The following HECW1 variants were observed in gnomAD, a reference collection of about 807,000 sequenced individuals.
HECW1 encodes E3 ubiquitin-protein ligase HECW1.
Under a neutral mutation model 182.3 loss-of-function variants are expected in HECW1, and 61 were observed. The observed-to-expected ratio is 0.33, with a 90% CI of 0.27 to 0.41. The LOEUF (loss-of-function observed/expected upper bound fraction) is 0.41. HECW1 is among the 10% of genes least tolerant of loss of function. HECW1 has a pLI of 1.00. For missense variants in HECW1, 1,739 were observed against 2,108.9 expected (o/e 0.82, Z 3.44); for synonymous variants, 859 against 832.6 (o/e 1.03, Z -0.55).
At chr7:43,430,633 T>C (rs955057902) in intron 8 of HECW1, among the ~76,000 whole-genome samples, 1 of 152,152 alleles carries the variant, frequency 6.6e-6, no homozygotes, top group African/African-American at 2.4e-5. Flanking sequence ...TGCTGAGTCA[T>C]GTGGACAAGG....
intron 2 of HECW1, among the ~76,000 whole-genome samples, chr7:43,129,214 CT>C (rs1485411285): frequency 6.6e-6 from 1 of 152,156 alleles, no homozygotes; most frequent in Admixed American, 6.5e-5. Flanking sequence ...ACAGAGAAAT[CT>C]TTTGTGAAAG....
intron 3 of HECW1, chr7:43,274,241 C>T (rs1031004738): frequency 4.0e-4 from 279 of 692,058 alleles, no homozygotes; most frequent in Non-Finnish European, 6.3e-4. Context: ...TGCCCCTCTA[C>T]TGCATGCGAA....
At chr7:43,491,364 A>G (rs758044288) in intron 17 of HECW1, among the ~76,000 whole-genome samples, 1 of 152,222 alleles carries the variant, frequency 6.6e-6, no homozygotes, top group Non-Finnish European at 1.5e-5. Context: ...TGTGAACAGA[A>G]GCCAGCACAG....
intron 5 of HECW1, among the ~76,000 whole-genome samples, chr7:43,344,503 T>A (rs1452568657): frequency 6.6e-6 from 1 of 152,038 alleles, no homozygotes; most frequent in African/African-American, 2.4e-5. Flanking sequence ...TGGATGATGA[T>A]GTTGTTTTTG....
At chr7:43,367,257 G>A (rs950977766) in intron 6 of HECW1, among the ~76,000 whole-genome samples, 4 of 152,104 alleles carry the variant, frequency 2.6e-5, no homozygotes, top group Non-Finnish European at 5.9e-5. Context: ...TTGTTTTCCT[G>A]TTGCCTTACT....
intron 29 of HECW1, among the ~76,000 whole-genome samples, chr7:43,556,755 G>A (rs1256164648): frequency 6.6e-6 from 1 of 151,836 alleles, no homozygotes; most frequent in Admixed American, 6.6e-5. Flanking sequence ...TATTCTTTAG[G>A]AAATGAGAGT....
chr7:43,516,843 CACA>C (rs1174548933), intron 24 of HECW1, among the ~76,000 whole-genome samples: 2 of 152,112 alleles, frequency 1.3e-5, no homozygotes, highest in East Asian at 3.8e-4. Context: ...AACAAACCTG[CACA>C]ACATGTTACT....
chr7:43,147,122 C>T (rs149434393), intron 2 of HECW1, among the ~76,000 whole-genome samples: 1 of 152,296 alleles, frequency 6.6e-6, no homozygotes, highest in African/African-American at 2.4e-5. Context: ...CCAAGGAAAC[C>T]TTTACTAGGC....
chr7:43,198,471 G>A (rs1400177338), intron 2 of HECW1, among the ~76,000 whole-genome samples: 1 of 140,212 alleles, frequency 7.1e-6, no homozygotes, highest in East Asian at 2.2e-4. Context: ...ACCCACCATA[G>A]TCACACCCCA....
chr7:43,493,312 T>A (rs2079002332), intron 19 of HECW1, 132 bp downstream of exon 19: 1 of 587,956 alleles, frequency 1.7e-6, no homozygotes, highest in Admixed American at 3.4e-5. Flanking sequence ...AGAACTTGAA[T>A]CCTCAAGATG....
chr7:43,530,504 T>C (rs952704219), intron 24 of HECW1, among the ~76,000 whole-genome samples: 4 of 150,404 alleles, frequency 2.7e-5, no homozygotes, highest in Non-Finnish European at 5.9e-5. Flanking sequence ...CCATATCTTT[T>C]ATGGATGGAT....
chr7:43,194,175 T>G (rs1794205507), intron 2 of HECW1, among the ~76,000 whole-genome samples: 1 of 152,050 alleles, frequency 6.6e-6, no homozygotes, highest in Non-Finnish European at 1.5e-5. Flanking sequence ...TTTTTCAGGT[T>G]TCTTTGGGTC....
intron 2 of HECW1, among the ~76,000 whole-genome samples, chr7:43,213,646 C>T (rs1184279489): frequency 1.3e-5 from 2 of 151,880 alleles, no homozygotes; most frequent in African/African-American, 2.4e-5. Context: ...GGGGTTTCAC[C>T]GTGTTAGCCA....
intron 6 of HECW1, among the ~76,000 whole-genome samples, chr7:43,363,770 G>T (rs17172204): frequency 1.3e-5 from 2 of 152,108 alleles, no homozygotes; most frequent in Non-Finnish European, 2.9e-5. Flanking sequence ...TGTTTATCAC[G>T]CATTATTCTA....
At chr7:43,478,150 C>T (rs1398959112) in intron 16 of HECW1, among the ~76,000 whole-genome samples, 5 of 152,178 alleles carry the variant, frequency 3.3e-5, no homozygotes, top group African/African-American at 1.2e-4. Flanking sequence ...GGCTTGGTGG[C>T]TCACGCCTGT....
Position 43,411,875 on chromosome 7 carries a change from G to A in HECW1, c.801+4144G>A, listed in dbSNP as rs143814578. Among the ~76,000 whole-genome samples the A allele has an allele frequency of 3.6e-3, 544 of 151,986 alleles. 2 individuals carry two copies. Among genetic ancestry groups the A allele is most frequent in the African/African-American group, 0.013 (520 of 41,440 alleles). ...ATTGCCTATGGACAGCATATTCTTC[G>A]GACTTAATTTCATTTATTACAATAA... On this transcript the variant is annotated intron_variant, in intron 8 of 29. Transcript: ENST00000395891.
intron 21 of HECW1, among the ~76,000 whole-genome samples, chr7:43,505,882 G>C (rs892406396): frequency 1.1e-4 from 16 of 152,182 alleles, no homozygotes; most frequent in African/African-American, 3.9e-4. Context: ...ATTTCTGAGA[G>C]TTTACCAGCA....
chr7:43,195,342 T>C (rs558518618), intron 2 of HECW1, among the ~76,000 whole-genome samples: 1 of 152,306 alleles, frequency 6.6e-6, no homozygotes, highest in East Asian at 1.9e-4. Flanking sequence ...CTTGTCAGGC[T>C]TCCTAAAGGA....
rs546244759 is a variant in HECW1 at position 43,564,114 on chromosome 7, G to A, written c.*2188G>A. On this transcript the variant is annotated 3_prime_UTR_variant, in exon 30 of 30. Transcript: ENST00000395891. Reference sequence around the variant, plus strand: ...CTGAAAAATAATGGATTCCAATGGAGCTATTGTTTTATTTATGAAATCAGA... The same window carrying A: ...CTGAAAAATAATGGATTCCAATGGAACTATTGTTTTATTTATGAAATCAGA... 61 of 190,430 alleles carry A rather than the reference G, an allele frequency of 3.2e-4. No homozygotes were observed. The East Asian group carries it at 4.6e-3, about 14-fold the overall frequency. The allele number at this position is 190,430 out of a possible 1,614,324, so 11.8% of individuals were successfully genotyped here. A position where few individuals can be genotyped will look rare whatever the true frequency, so the allele number is the denominator to read the frequency against.
Sources: gnomAD v4.1 joint callset for allele counts (sites outside exome capture counted in the v4.1 genomes callset) on GRCh38, gnomAD v4.1.1 for gene constraint, MANE v1.5 for transcripts, NCBI Gene and HGNC (gene_info 2026-07-23, HGNC 2026-07-21) for gene names.